Variants in CNTN3 observed in about 807,000 individuals in gnomAD.
CNTN3 encodes contactin 3, also known as contactin-3.
Under a neutral mutation model 119.1 loss-of-function variants are expected in CNTN3, and 60 were observed. The ratio of observed to expected loss-of-function variants is 0.50; its 90% CI spans 0.41 to 0.62. CNTN3 has a LOEUF of 0.62. CNTN3 is among the 20% of genes least tolerant of loss of function. The pLI is 0.00. For missense variants in CNTN3, 1,101 were observed against 1,242.4 expected (o/e 0.89, Z 1.71); for synonymous variants, 450 against 438.7 (o/e 1.03, Z -0.32).
chr3:74,350,873 T>G (rs923997819), intron 11 of CNTN3, among the ~76,000 whole-genome samples: 27 of 151,096 alleles, frequency 1.8e-4, no homozygotes, highest in African/African-American at 6.1e-4. Context: ...AGCTAAACAA[T>G]GGGTACACAT....
intron 4 of CNTN3, among the ~76,000 whole-genome samples, chr3:74,463,299 T>A (rs1702405006): frequency 6.6e-6 from 1 of 152,148 alleles, no homozygotes; most frequent in African/African-American, 2.4e-5. Flanking sequence ...GAGTTTAGTA[T>A]CTATGAATAT....
chr3:74,361,790 G>T, intron 11 of CNTN3, 100 bp downstream of exon 11: 1 of 1,245,640 alleles, frequency 8.0e-7, no homozygotes, highest in African/African-American at 1.5e-5. Flanking sequence ...ACATGCTACT[G>T]AAATGCTATT....
chr3:74,472,862 T>C (rs1477470314), intron 4 of CNTN3, among the ~76,000 whole-genome samples: 2 of 152,168 alleles, frequency 1.3e-5, no homozygotes, highest in Non-Finnish European at 2.9e-5. Context: ...TTATGAGAAA[T>C]AACACAGCCT....
chr3:74,547,580 C>T (rs1575821546), intron 1 of CNTN3, among the ~76,000 whole-genome samples: 1 of 152,154 alleles, frequency 6.6e-6, no homozygotes, highest in Non-Finnish European at 1.5e-5. Flanking sequence ...TCTTTTTACA[C>T]ATTTAATAGC....
intron 1 of CNTN3, among the ~76,000 whole-genome samples, chr3:74,595,617 A>C (rs1233987159): frequency 2.0e-5 from 3 of 152,196 alleles, no homozygotes; most frequent in African/African-American, 7.2e-5. Flanking sequence ...GATGCAGAAA[A>C]GGCCTTTGGC....
intron 3 of CNTN3, among the ~76,000 whole-genome samples, chr3:74,487,574 A>G (rs950072063): frequency 6.6e-6 from 1 of 152,156 alleles, no homozygotes; most frequent in Non-Finnish European, 1.5e-5. Flanking sequence ...TAAAGCAACC[A>G]TGTGAGTTGA....
intron 1 of CNTN3, among the ~76,000 whole-genome samples, chr3:74,585,892 C>T (rs1383808546): frequency 6.6e-6 from 1 of 152,074 alleles, no homozygotes; most frequent in Non-Finnish European, 1.5e-5. Flanking sequence ...TACAGAAGAA[C>T]AAATGAGAAT....
intron 11 of CNTN3, among the ~76,000 whole-genome samples, chr3:74,353,043 G>A (rs1393231301): frequency 6.6e-6 from 1 of 152,120 alleles, no homozygotes; most frequent in African/African-American, 2.4e-5. Flanking sequence ...GAAGAAAAGT[G>A]GACTCCACTG....
intron 1 of CNTN3, among the ~76,000 whole-genome samples, chr3:74,582,932 G>A (rs535601021): frequency 1.3e-5 from 2 of 152,182 alleles, no homozygotes; most frequent in Non-Finnish European, 2.9e-5. Context: ...TGTCTCATTC[G>A]AACCTGTGGG....
intron 5 of CNTN3, among the ~76,000 whole-genome samples, chr3:74,418,302 A>T (rs1701558249): frequency 6.6e-6 from 1 of 150,698 alleles, no homozygotes; most frequent in East Asian, 1.9e-4. Context: ...TGCTGGGATT[A>T]CAAACATGAG....
At chr3:74,405,518 A>C (rs1452226066) in intron 5 of CNTN3, among the ~76,000 whole-genome samples, 1 of 152,092 alleles carries the variant, frequency 6.6e-6, no homozygotes, top group Non-Finnish European at 1.5e-5. Flanking sequence ...CTTTCAAATA[A>C]ATTCATTCTT....
At chr3:74,574,434 C>A (rs7615608) in intron 1 of CNTN3, among the ~76,000 whole-genome samples, 5 of 152,062 alleles carry the variant, frequency 3.3e-5, no homozygotes, top group African/African-American at 9.7e-5. Context: ...AATGGTGACT[C>A]GTAGGGTATA....
intron 1 of CNTN3, among the ~76,000 whole-genome samples, chr3:74,596,156 A>G (rs1479661669): frequency 1.3e-5 from 2 of 152,160 alleles, no homozygotes; most frequent in Admixed American, 1.3e-4. Context: ...TTCAAGGAGA[A>G]CTACAAACCA....
rs549496824 is a variant in CNTN3 at position 74,434,355 on chromosome 3, G to T, written c.359-9415C>A. 2.0e-5 allele frequency among the ~76,000 whole-genome samples: 3 copies of T among 152,266 alleles called. No homozygotes were observed. In the South Asian group the frequency reaches 6.2e-4, roughly 32 times the overall value. Reference sequence around the variant, plus strand: ...GTTTCATTTTTCCTTTTGAGTCTCTGGTTTCATAACGATTCCTGTTTCCAT... The same window carrying T: ...GTTTCATTTTTCCTTTTGAGTCTCTTGTTTCATAACGATTCCTGTTTCCAT... On this transcript the variant is annotated intron_variant, in intron 4 of 22. Coordinates refer to ENST00000263665, the MANE Select transcript of CNTN3 (RefSeq NM_020872.3).
At position 74,365,670 on chromosome 3, in the gene CNTN3, C is replaced by A; in HGVS notation, c.979G>T (p.Val327Leu). ...KPHWVQLIKD[V>L]EIAVEDSLYW... ...AGACTGTCCTCCACGGCTATTTCCACATCCTTTATGAGTTGAACCCAATGG... is the reference window on the plus strand; with the variant it reads ...AGACTGTCCTCCACGGCTATTTCCAAATCCTTTATGAGTTGAACCCAATGG... Residue 327 changes from valine (V) to leucine (L), a missense_variant, in exon 9 of 23, where the codon GTG (valine) becomes TTG (leucine). By Grantham distance (32) the Val-to-Leu change is conservative (BLOSUM62 1). Coordinates refer to ENST00000263665, the MANE Select transcript of CNTN3 (RefSeq NM_020872.3). 1.2e-6 allele frequency: 2 copies of A among 1,613,386 alleles called. No individual in the cohort carries two copies. The highest frequency in any genetic ancestry group is 1.7e-6 in the Non-Finnish European group (2 of 1,179,506).
intron 1 of CNTN3, among the ~76,000 whole-genome samples, chr3:74,577,412 A>C (rs982972280): frequency 2.0e-5 from 3 of 152,156 alleles, no homozygotes; most frequent in African/African-American, 4.8e-5. Flanking sequence ...TTATTCTATT[A>C]TACTTTCTCA....
chr3:74,389,112 G>T (rs1704830485), intron 5 of CNTN3, among the ~76,000 whole-genome samples: 1 of 152,116 alleles, frequency 6.6e-6, no homozygotes, highest in South Asian at 2.1e-4. Context: ...AAAAACTACT[G>T]ATCTTTATCT....
chr3:74,426,211 T>C (rs1253813306), intron 4 of CNTN3, among the ~76,000 whole-genome samples: 1 of 152,030 alleles, frequency 6.6e-6, no homozygotes, highest in African/African-American at 2.4e-5. Context: ...AACTCTGACT[T>C]ATAAAAAATG....
chr3:74,524,173 G>A (rs1703582791), intron 1 of CNTN3, among the ~76,000 whole-genome samples: 1 of 151,922 alleles, frequency 6.6e-6, no homozygotes, highest in African/African-American at 2.4e-5. Flanking sequence ...AAGATAACAT[G>A]TACATTGGTT....
Sources: allele counts gnomAD v4.1 joint callset (sites outside exome capture counted in the v4.1 genomes callset), GRCh38; gene constraint gnomAD v4.1.1; transcripts MANE v1.5; gene names NCBI Gene and HGNC (gene_info 2026-07-23, HGNC 2026-07-21).